PTPRD: variants seen among roughly 807,000 people sequenced by gnomAD.
The protein encoded by PTPRD is protein tyrosine phosphatase receptor type D.
A neutral mutation model predicts 214.5 loss-of-function variants in PTPRD; 34 were observed. That is an observed-to-expected ratio of 0.16 (90% CI 0.12 to 0.21). The LOEUF is 0.21. Ranked by LOEUF, PTPRD falls within the 10% of genes least tolerant of loss-of-function variation. The pLI, the probability that PTPRD is intolerant of heterozygous loss-of-function variation, is 1.00. For synonymous variants in PTPRD, 1,128 were observed against 845.7 expected (o/e 1.33, Z -5.79); for missense variants, 2,545 against 2,398.7 (o/e 1.06, Z -1.27).
At chr9:10,607,463 G>C (rs1185585691) in intron 2 of PTPRD, among the ~76,000 whole-genome samples, 1 of 151,722 alleles carries the variant, frequency 6.6e-6, no homozygotes, top group Non-Finnish European at 1.5e-5. Context: ...AACACACACA[G>C]ATACATAAAT....
At chr9:9,428,690 T>G (rs2081965430) in intron 8 of PTPRD, among the ~76,000 whole-genome samples, 1 of 152,032 alleles carries the variant, frequency 6.6e-6, no homozygotes, top group African/African-American at 2.4e-5. Flanking sequence ...GAACAGAAAT[T>G]ATAACAAACT....
intron 9 of PTPRD, among the ~76,000 whole-genome samples, chr9:9,186,666 C>G (rs1233308501): frequency 6.8e-6 from 1 of 147,628 alleles, no homozygotes; most frequent in African/African-American, 2.5e-5. Flanking sequence ...CTCTCTCTCT[C>G]ACACACACAC....
At chr9:9,022,626 G>C (rs181266826) in intron 10 of PTPRD, among the ~76,000 whole-genome samples, 2 of 152,036 alleles carry the variant, frequency 1.3e-5, no homozygotes, top group African/African-American at 4.8e-5. Context: ...TGACAAAATC[G>C]CCCAAGGATG....
intron 2 of PTPRD, among the ~76,000 whole-genome samples, chr9:10,434,684 T>G (rs2154521651): frequency 6.6e-6 from 1 of 152,076 alleles, no homozygotes; most frequent in East Asian, 1.9e-4. Flanking sequence ...ATAACTTTTC[T>G]TTCAAATATA....
chr9:10,047,756 G>C (rs777569936), intron 3 of PTPRD, among the ~76,000 whole-genome samples: 9 of 152,078 alleles, frequency 5.9e-5, no homozygotes, highest in Admixed American at 1.3e-4. Flanking sequence ...GAAAAATCAG[G>C]TGGGTGACCA....
chr9:8,472,670 A>C (rs892246118), intron 30 of PTPRD, among the ~76,000 whole-genome samples: 1 of 152,194 alleles, frequency 6.6e-6, no homozygotes, highest in African/African-American at 2.4e-5. Context: ...TTTTAAAATA[A>C]TGATACATTA....
rs1328950279 is a variant in PTPRD at position 8,921,106 on chromosome 9, G to A, written c.-104+97591C>T. On this transcript the variant is annotated intron_variant, in intron 11 of 45. Transcript: ENST00000381196. ...TGGGATTACAGGCGTGAACCACCGC[G>A]TCTGGCCGAAGTTATTCTTTTCTGT... Among the ~76,000 whole-genome samples the A allele has an allele frequency of 6.6e-5, 10 of 152,140 alleles. No individual in the cohort carries two copies. The East Asian group carries it at 7.8e-4, about 12-fold the overall frequency.
intron 7 of PTPRD, among the ~76,000 whole-genome samples, chr9:9,703,634 T>C (rs1469671188): frequency 1.3e-5 from 2 of 152,184 alleles, no homozygotes; most frequent in African/African-American, 4.8e-5. Flanking sequence ...TTTATGTGGC[T>C]AGTAATTTTG....
chr9:8,332,536 A>G (rs1481941438), intron 43 of PTPRD, among the ~76,000 whole-genome samples: 1 of 110,926 alleles, frequency 9.0e-6, no homozygotes. Context: ...AGATAAACCA[A>G]AAGGTAGAAA....
At chr9:9,205,316 A>T (rs148464421) in intron 9 of PTPRD, among the ~76,000 whole-genome samples, 2 of 152,270 alleles carry the variant, frequency 1.3e-5, no homozygotes, top group South Asian at 2.1e-4. Context: ...TAATACTGTA[A>T]ATATGAACTA....
intron 4 of PTPRD, among the ~76,000 whole-genome samples, chr9:9,994,744 T>A (rs553955296): frequency 5.9e-5 from 9 of 152,318 alleles, no homozygotes; most frequent in African/African-American, 2.2e-4. Context: ...AATGTTTAGC[T>A]AAAATATTTA....
chr9:9,949,954 AAGTC>A (rs2093275532), intron 4 of PTPRD, among the ~76,000 whole-genome samples: 1 of 152,182 alleles, frequency 6.6e-6, no homozygotes, highest in East Asian at 1.9e-4. Flanking sequence ...ATTTTTCTGT[AAGTC>A]AGTGTGAAAT....
chr9:9,645,720 C>T (rs1004930183), intron 7 of PTPRD, among the ~76,000 whole-genome samples: 1 of 151,834 alleles, frequency 6.6e-6, no homozygotes, highest in South Asian at 2.1e-4. Context: ...CCACTGTTTC[C>T]TTGAAAATTA....
intron 10 of PTPRD, among the ~76,000 whole-genome samples, chr9:9,162,772 G>C (rs960274679): frequency 1.3e-5 from 2 of 151,990 alleles, no homozygotes; most frequent in South Asian, 4.2e-4. Context: ...CAAAATTCTT[G>C]AAGGCATTAT....
chr9:10,387,820 C>CT (rs58959929), intron 2 of PTPRD, among the ~76,000 whole-genome samples: 47,015 of 82,914 alleles, frequency 0.57, 14,235 homozygotes, highest in Non-Finnish European at 0.67. Context: ...AAGATTTTGT[C>CT]TTTTTTTTTT....
At chr9:10,501,917 C>T (rs60094913) in intron 2 of PTPRD, among the ~76,000 whole-genome samples, 2,694 of 151,958 alleles carry the variant, frequency 0.018, 38 homozygotes, top group African/African-American at 0.039. Flanking sequence ...ATCCTATCCC[C>T]TGAGAGATAC....
At chr9:8,879,952 G>T (rs1328254880) in intron 11 of PTPRD, among the ~76,000 whole-genome samples, 2 of 152,178 alleles carry the variant, frequency 1.3e-5, no homozygotes, top group East Asian at 3.9e-4. Flanking sequence ...CAGAAAGTGA[G>T]CCTTTTTCGT....
At chr9:10,405,682 A>T (rs2098342849) in intron 2 of PTPRD, among the ~76,000 whole-genome samples, 1 of 151,646 alleles carries the variant, frequency 6.6e-6, no homozygotes, top group Non-Finnish European at 1.5e-5. Flanking sequence ...ACAAGCTTAT[A>T]TCTGCAAATA....
chr9:8,832,616 A>G (rs1020898541), intron 11 of PTPRD, among the ~76,000 whole-genome samples: 3 of 152,100 alleles, frequency 2.0e-5, no homozygotes, highest in Non-Finnish European at 2.9e-5. Flanking sequence ...TGCACCCACT[A>G]TGTGTGTTTT....
Sources: allele counts gnomAD v4.1 joint callset (sites outside exome capture counted in the v4.1 genomes callset), GRCh38; gene constraint gnomAD v4.1.1; transcripts MANE v1.5; gene names NCBI Gene and HGNC (gene_info 2026-07-23, HGNC 2026-07-21).